MRE11: variants seen among roughly 807,000 people sequenced by gnomAD.
MRE11 encodes the protein double-strand break repair protein MRE11.
A neutral mutation model predicts 91.7 loss-of-function variants in MRE11; 62 were observed. The ratio of observed to expected loss-of-function variants is 0.68; its 90% CI spans 0.55 to 0.84. The LOEUF (loss-of-function observed/expected upper bound fraction) is 0.84. Among genes scored for constraint, MRE11 ranks in the 40% least tolerant of loss-of-function variants. The probability of loss-of-function intolerance (pLI) is 0.00; values close to 1 mark genes in which losing one functional copy is unlikely to be tolerated. For synonymous variants in MRE11, 273 were observed against 271.4 expected (o/e 1.01, Z -0.06); for missense variants, 796 against 852.9 (o/e 0.93, Z 0.83).
chr11:94,472,012 A>T (rs1946729818), intron 7 of MRE11, among the ~76,000 whole-genome samples: 1 of 152,060 alleles, frequency 6.6e-6, no homozygotes, highest in African/African-American at 2.4e-5. Flanking sequence ...ATTTGGAGGA[A>T]GATCATGAAA....
chr11:94,445,061 T>A (rs13447706), intron 16 of MRE11, among the ~76,000 whole-genome samples: 6 of 152,130 alleles, frequency 3.9e-5, no homozygotes, highest in African/African-American at 1.4e-4. Context: ...CCATAGGATA[T>A]ACACAAATTA....
chr11:94,439,704 T>C (rs1485006528), intron 16 of MRE11, among the ~76,000 whole-genome samples: 1 of 152,206 alleles, frequency 6.6e-6, no homozygotes, highest in African/African-American at 2.4e-5. Flanking sequence ...CACATGCATT[T>C]TCTCATTAAT....
chr11:94,503,912 T>C, the MRE11 span, among the ~76,000 whole-genome samples: 2 of 148,322 alleles, frequency 1.3e-5, no homozygotes, highest in African/African-American at 5.0e-5. Context: ...TGTGGATCCA[T>C]AGAACAGAAC....
At chr11:94,493,658 G>A (rs980563806) in intron 1 of MRE11, 133 bp downstream of exon 1, 1 of 152,354 alleles carries the variant, frequency 6.6e-6, no homozygotes, top group African/African-American at 2.4e-5. Context: ...TGCAGAAACA[G>A]GAGACGAATG....
chr11:94,510,733 T>C, the MRE11 span, among the ~76,000 whole-genome samples: 1 of 152,194 alleles, frequency 6.6e-6, no homozygotes, highest in Non-Finnish European at 1.5e-5. Flanking sequence ...ATTTCAGCCA[T>C]ATGGACTTCT....
intron 5 of MRE11, among the ~76,000 whole-genome samples, chr11:94,479,084 C>T (rs1284764628): frequency 6.6e-6 from 1 of 152,134 alleles, no homozygotes; most frequent in Non-Finnish European, 1.5e-5. Context: ...AATCACATGC[C>T]AAAGGCAAGG....
At position 94,445,857 on chromosome 11, in the gene MRE11, T is replaced by G; in HGVS notation, c.1820A>C (p.Asn607Thr). ...TGLETSTRSR[N>T]SKTAVSASRN... is the part of the protein sequence containing the mutation. ...AGATGCTGACACAGCAGTCTTTGAG[T>G]TCCTGCTACGGGTAGAAGTCTCCAG... Residue 607 changes from asparagine to threonine, a missense_variant, in exon 16 of 20, where the codon AAC becomes ACC. Transcript: ENST00000323929. The G allele has an allele frequency of 6.2e-7, 1 of 1,613,808 alleles. No homozygotes were observed. The highest frequency in any genetic ancestry group is 8.5e-7 in the Non-Finnish European group (1 of 1,179,766).
intron 8 of MRE11, 134 bp downstream of exon 8, chr11:94,471,440 C>T: frequency 1.2e-6 from 1 of 830,468 alleles, no homozygotes; most frequent in Non-Finnish European, 1.9e-6. Context: ...GATCAATTTT[C>T]AAAAATAAAG....
At chr11:94,483,540 C>A (rs888774165) in intron 4 of MRE11, among the ~76,000 whole-genome samples, 2 of 152,186 alleles carry the variant, frequency 1.3e-5, no homozygotes, top group African/African-American at 4.8e-5. Flanking sequence ...TCTCTCTTTG[C>A]CTGCCATCAT....
Position 94,485,987 on chromosome 11 carries a change from A to G in MRE11, c.251T>C (p.Met84Thr), listed in dbSNP as rs1482454029. 6.2e-7 allele frequency: 1 copy of G among 1,613,952 alleles called. No homozygotes were observed. The highest frequency in any genetic ancestry group is 1.7e-5 in the Admixed American group (1 of 60,012). ...TCLELLRKYC[M>T]GDRPVQFEIL... The stretch of plus-strand genomic sequence containing the variant: ...TTCAAACTGGACAGGCCGATCACCC[A>G]TACAATATTTTCTTAATAACTCGAG... The change falls in exon 4 of 20, where the codon ATG becomes ACG. Residue 84 changes from methionine (M) to threonine (T), a missense_variant. Coordinates refer to ENST00000323929, the MANE Select transcript of MRE11 (RefSeq NM_005591.4).
chr11:94,485,316 T>C (rs1407007976), intron 4 of MRE11, among the ~76,000 whole-genome samples: 1 of 151,822 alleles, frequency 6.6e-6, no homozygotes, highest in Non-Finnish European at 1.5e-5. Context: ...ATATCATAAA[T>C]AGTCCCAAAG....
chr11:94,486,590 C>T (rs1238151142), intron 3 of MRE11, among the ~76,000 whole-genome samples: 1 of 152,168 alleles, frequency 6.6e-6, no homozygotes, highest in Non-Finnish European at 1.5e-5. Flanking sequence ...AATATGATCC[C>T]TATCCTAAAT....
intron 10 of MRE11, among the ~76,000 whole-genome samples, chr11:94,465,220 G>A (rs796846202): frequency 5.9e-5 from 9 of 152,184 alleles, no homozygotes; most frequent in African/African-American, 1.4e-4. Flanking sequence ...GAATGAATTC[G>A]TAATTTACTG....
intron 12 of MRE11, among the ~76,000 whole-genome samples, chr11:94,460,545 CATTA>C (rs1414521025): frequency 6.6e-6 from 1 of 152,180 alleles, no homozygotes; most frequent in Admixed American, 6.5e-5. Context: ...TCACAATTAA[CATTA>C]ATTAAACACT....
chr11:94,464,363 T>C, intron 10 of MRE11, 124 bp from the exon 11 acceptor site: 1 of 1,303,236 alleles, frequency 7.7e-7, no homozygotes, highest in South Asian at 1.3e-5. Context: ...GAATTAATTT[T>C]CTACAGTAGA....
chr11:94,452,792 C>T (rs1241571860), intron 14 of MRE11, among the ~76,000 whole-genome samples: 1 of 152,112 alleles, frequency 6.6e-6, no homozygotes, highest in Non-Finnish European at 1.5e-5. Flanking sequence ...GATTTGAAAA[C>T]ATACTATCCT....
At chr11:94,430,028 T>C (rs1366944698) in intron 18 of MRE11, 42 bp from the exon 19 acceptor site, 1 of 1,596,072 alleles carries the variant, frequency 6.3e-7, no homozygotes, top group Non-Finnish European at 8.6e-7. Context: ...ATGAACTACA[T>C]AATTCATCAA....
chr11:94,461,446 A>C (rs1413885485), intron 11 of MRE11, among the ~76,000 whole-genome samples: 1 of 152,236 alleles, frequency 6.6e-6, no homozygotes, highest in East Asian at 1.9e-4. Context: ...ACGTCAAGGT[A>C]GTTCGGTATT....
chr11:94,482,566 T>C (rs955986715), intron 4 of MRE11, among the ~76,000 whole-genome samples: 7 of 152,080 alleles, frequency 4.6e-5, no homozygotes, highest in Admixed American at 6.5e-5. Context: ...TAAACATGTA[T>C]ATAGGGTGGG....
Sources: allele counts gnomAD v4.1 joint callset (sites outside exome capture counted in the v4.1 genomes callset), GRCh38; gene constraint gnomAD v4.1.1; transcripts MANE v1.5; gene names NCBI Gene and HGNC (gene_info 2026-07-23, HGNC 2026-07-21).